Variants in GPC5 observed in about 807,000 individuals in gnomAD.
GPC5 encodes the protein glypican 5.
Under a neutral mutation model 53.9 loss-of-function variants are expected in GPC5, and 47 were observed. The observed-to-expected ratio is 0.87, with a 90% CI of 0.69 to 1.11. The LOEUF (loss-of-function observed/expected upper bound fraction) is 1.11. GPC5 is among the 50% of genes most tolerant of loss of function. GPC5 has a pLI of 0.00. For synonymous variants in GPC5, 286 were observed against 263.3 expected, an observed-to-expected ratio of 1.09 and a Z score of -0.84; for missense variants, 748 against 713.1, an observed-to-expected ratio of 1.05 and a Z score of -0.56.
intron 2 of GPC5, among the ~76,000 whole-genome samples, chr13:91,525,895 A>T (rs1886063506): frequency 6.6e-6 from 1 of 152,218 alleles, no homozygotes; most frequent in African/African-American, 2.4e-5. Context: ...ATGATCCTAA[A>T]TTATTCTGGG....
intron 6 of GPC5, among the ~76,000 whole-genome samples, chr13:92,112,966 C>T (rs1224670007): frequency 6.6e-6 from 1 of 152,060 alleles, no homozygotes; most frequent in Non-Finnish European, 1.5e-5. Flanking sequence ...ATTCCTTTCA[C>T]AACCAAAATA....
In GPC5 at chr13:92,522,094, C is replaced by T. The variant is rs569718292; in HGVS notation, c.1562-344188C>T. 2.0e-5 allele frequency among the ~76,000 whole-genome samples: 3 copies of T among 152,184 alleles called. No individual in the cohort carries two copies. The South Asian group carries it at 6.2e-4, about 32-fold the overall frequency. On this transcript the variant is annotated intron_variant, in intron 7 of 7. Transcript: ENST00000377067. ...TACCATCTCACACCAGTTAGAATGG[C>T]GATCGTTAAAAAGTCAGGAAACAAC...
intron 2 of GPC5, among the ~76,000 whole-genome samples, chr13:91,503,082 A>G (rs1285196509): frequency 2.0e-5 from 3 of 152,072 alleles, no homozygotes; most frequent in African/African-American, 7.3e-5. Context: ...GATAACTTAG[A>G]AAAACATCAA....
At chr13:92,817,419 T>C (rs1434574304) in intron 7 of GPC5, among the ~76,000 whole-genome samples, 2 of 152,024 alleles carry the variant, frequency 1.3e-5, no homozygotes, top group Non-Finnish European at 1.5e-5. Context: ...CAAAACTATA[T>C]GTTACTATGA....
At chr13:92,722,065 A>G (rs1888523119) in intron 7 of GPC5, among the ~76,000 whole-genome samples, 1 of 152,018 alleles carries the variant, frequency 6.6e-6, no homozygotes, top group African/African-American at 2.4e-5. Flanking sequence ...CTCAGTATAA[A>G]ATAGACTTTA....
chr13:92,214,715 A>G (rs533465553), intron 7 of GPC5, among the ~76,000 whole-genome samples: 4 of 152,280 alleles, frequency 2.6e-5, no homozygotes, highest in Non-Finnish European at 5.9e-5. Flanking sequence ...ATCTGTGACT[A>G]TGTTAGGTTG....
chr13:91,530,364 T>G (rs186603253), intron 2 of GPC5, among the ~76,000 whole-genome samples: 1 of 152,280 alleles, frequency 6.6e-6, no homozygotes, highest in African/African-American at 2.4e-5. Flanking sequence ...AGTGAGATAA[T>G]TTACACCATG....
At chr13:91,460,298 CT>C (rs773703323) in intron 2 of GPC5, among the ~76,000 whole-genome samples, 2,990 of 142,788 alleles carry the variant, frequency 0.021, 47 homozygotes, top group South Asian at 0.049. Flanking sequence ...TCTTTGTTGT[CT>C]TTTTTTTTTT....
At chr13:92,007,774 T>C (rs547711439) in intron 6 of GPC5, among the ~76,000 whole-genome samples, 3 of 152,252 alleles carry the variant, frequency 2.0e-5, no homozygotes, top group African/African-American at 7.2e-5. Flanking sequence ...GTTCTTTTCC[T>C]CCTTTTCCTT....
chr13:91,907,950 G>A lies in GPC5; in HGVS notation c.1294G>A (p.Val432Met), dbSNP rs760310392. The A allele has an allele frequency of 1.3e-6, 2 of 1,595,154 alleles. No homozygotes were observed. Among genetic ancestry groups the A allele is most frequent in the African/African-American group, 2.7e-5 (2 of 74,726 alleles). ...EDIVKSYTQRVVGNGIKAQSG... is the reference protein window; with the variant it reads ...EDIVKSYTQRMVGNGIKAQSG... Reference sequence around the variant, plus strand: ...TTCCCTTGCTAGTTATACTCAGCGTGTGGTTGGAAATGGAATCAAAGCCCA... The same window carrying A: ...TTCCCTTGCTAGTTATACTCAGCGTATGGTTGGAAATGGAATCAAAGCCCA... Residue 432 changes from valine (V) to methionine (M), a missense_variant, in exon 6 of 8, where the codon GTG becomes ATG. Transcript: ENST00000377067.
chr13:92,290,237 C>T (rs1304794636), intron 7 of GPC5, among the ~76,000 whole-genome samples: 1 of 152,146 alleles, frequency 6.6e-6, no homozygotes, highest in African/African-American at 2.4e-5. Context: ...ATACTTTTGG[C>T]TATTGCTGTA....
At chr13:92,650,138 G>A (rs1885906832) in intron 7 of GPC5, among the ~76,000 whole-genome samples, 1 of 151,984 alleles carries the variant, frequency 6.6e-6, no homozygotes, top group Non-Finnish European at 1.5e-5. Flanking sequence ...ATTTTTCACT[G>A]AGTATACAAT....
At chr13:92,645,688 T>G (rs1424482061) in intron 7 of GPC5, among the ~76,000 whole-genome samples, 3 of 152,116 alleles carry the variant, frequency 2.0e-5, no homozygotes, top group Non-Finnish European at 4.4e-5. Flanking sequence ...TACCAGAACA[T>G]GGTTTTGTTA....
intron 7 of GPC5, among the ~76,000 whole-genome samples, chr13:92,354,560 T>G (rs902410760): frequency 5.3e-5 from 8 of 152,232 alleles, no homozygotes; most frequent in African/African-American, 1.9e-4. Flanking sequence ...TTCTAGTCAT[T>G]GATGCTGGCG....
chr13:92,087,967 G>A (rs949207450), intron 6 of GPC5, among the ~76,000 whole-genome samples: 6 of 150,474 alleles, frequency 4.0e-5, no homozygotes, highest in East Asian at 2.0e-4. Context: ...TGGGGGTCTC[G>A]CTACATTGAC....
At chr13:91,984,405 T>C (rs895871060) in intron 6 of GPC5, among the ~76,000 whole-genome samples, 7 of 152,230 alleles carry the variant, frequency 4.6e-5, no homozygotes, top group Admixed American at 3.9e-4. Context: ...GCCAATGGCA[T>C]TGAGTAGAAC....
intron 6 of GPC5, among the ~76,000 whole-genome samples, chr13:92,118,050 G>A (rs1456268805): frequency 1.3e-5 from 2 of 152,044 alleles, no homozygotes; most frequent in African/African-American, 2.4e-5. Flanking sequence ...TCAGAGAGTC[G>A]CCATTAAGTG....
intron 6 of GPC5, among the ~76,000 whole-genome samples, chr13:92,080,188 T>C (rs1242155788): frequency 6.6e-6 from 1 of 152,170 alleles, no homozygotes; most frequent in East Asian, 1.9e-4. Flanking sequence ...TATCAGGCTC[T>C]TTTATTTTTT....
intron 7 of GPC5, among the ~76,000 whole-genome samples, chr13:92,316,488 T>A (rs2043180147): frequency 6.6e-6 from 1 of 152,148 alleles, no homozygotes; most frequent in Non-Finnish European, 1.5e-5. Flanking sequence ...AAATGATAGC[T>A]GCTTAAGTAT....
Sources: allele counts gnomAD v4.1 joint callset (sites outside exome capture counted in the v4.1 genomes callset), GRCh38; gene constraint gnomAD v4.1.1; transcripts MANE v1.5; gene names NCBI Gene and HGNC (gene_info 2026-07-23, HGNC 2026-07-21).